STAB2: variants seen among roughly 807,000 people sequenced by gnomAD.
The protein encoded by STAB2 is stabilin-2.
Under a neutral mutation model 338.1 loss-of-function variants are expected in STAB2, and 288 were observed. The ratio of observed to expected loss-of-function variants is 0.85; its 90% CI spans 0.77 to 0.94. The LOEUF (loss-of-function observed/expected upper bound fraction) is 0.94, where lower values mean the gene tolerates loss of function less well. STAB2 is among the 40% of genes least tolerant of loss of function. STAB2 has a pLI of 0.00. For missense variants in STAB2, 3,141 were observed against 3,210.1 expected, an observed-to-expected ratio of 0.98 and a Z score of 0.52; for synonymous variants, 1,202 against 1,193.3, an observed-to-expected ratio of 1.01 and a Z score of -0.15.
At chr12:103,700,951 T>C (rs1421310799) in intron 34 of STAB2, among the ~76,000 whole-genome samples, 3 of 150,792 alleles carry the variant, frequency 2.0e-5, no homozygotes, top group Non-Finnish European at 4.4e-5. Context: ...ACCCACTAAC[T>C]CGTCATCTAG....
chr12:103,610,648 T>A (rs1957108057), intron 3 of STAB2, among the ~76,000 whole-genome samples: 1 of 152,222 alleles, frequency 6.6e-6, no homozygotes, highest in Admixed American at 6.5e-5. Context: ...GCTCCTGGAT[T>A]CATTAATTTT....
At chr12:103,731,796 A>C (rs764442993) in intron 50 of STAB2, among the ~76,000 whole-genome samples, 161 bp downstream of exon 50, 1 of 151,844 alleles carries the variant, frequency 6.6e-6, no homozygotes, top group African/African-American at 2.4e-5. Flanking sequence ...ATTCTCTGCC[A>C]CTCCCTTCTT....
At chr12:103,636,399 G>A (rs2138681386) in intron 6 of STAB2, among the ~76,000 whole-genome samples, 1 of 151,374 alleles carries the variant, frequency 6.6e-6, no homozygotes, top group Non-Finnish European at 1.5e-5. Context: ...AACTTTCCCT[G>A]TTCAAATAAT....
chr12:103,618,951 G>A (rs981096097), intron 3 of STAB2, among the ~76,000 whole-genome samples: 3 of 152,128 alleles, frequency 2.0e-5, no homozygotes, highest in African/African-American at 7.2e-5. Context: ...TAAGTCTCAC[G>A]ACATCTGATG....
At chr12:103,750,009 G>T (rs1040667784) in intron 59 of STAB2, among the ~76,000 whole-genome samples, 1 of 152,194 alleles carries the variant, frequency 6.6e-6, no homozygotes, top group Non-Finnish European at 1.5e-5. Context: ...ACCTGGAGGT[G>T]GCTAATTACT....
intron 10 of STAB2, among the ~76,000 whole-genome samples, chr12:103,649,231 C>T (rs1382766540): frequency 6.6e-6 from 1 of 152,180 alleles, no homozygotes; most frequent in Non-Finnish European, 1.5e-5. Context: ...GACCCCAGGG[C>T]AGCATCCTTG....
intron 3 of STAB2, among the ~76,000 whole-genome samples, chr12:103,610,900 T>C (rs1413206992): frequency 1.3e-5 from 2 of 152,320 alleles, no homozygotes; most frequent in South Asian, 2.1e-4. Flanking sequence ...TTTGTTCTCA[T>C]TGGTTTCAAA....
chr12:103,705,249 C>G (rs1202160548), intron 36 of STAB2, among the ~76,000 whole-genome samples: 3 of 152,092 alleles, frequency 2.0e-5, no homozygotes, highest in Admixed American at 1.3e-4. Context: ...TTGTATGCAG[C>G]CTTAATCCTT....
intron 3 of STAB2, among the ~76,000 whole-genome samples, chr12:103,602,378 C>T (rs369797546): frequency 1.3e-5 from 2 of 152,338 alleles, no homozygotes; most frequent in East Asian, 3.9e-4. Flanking sequence ...AACTGAAAGA[C>T]ATCTGGGTTT....
chr12:103,690,222 T>C (rs562162006), intron 29 of STAB2, among the ~76,000 whole-genome samples: 17 of 152,310 alleles, frequency 1.1e-4, no homozygotes, highest in African/African-American at 4.1e-4. Flanking sequence ...ATGATAGATA[T>C]TGTAATGATT....
At chr12:103,682,105 C>G (rs1876966274) in intron 25 of STAB2, among the ~76,000 whole-genome samples, 1 of 152,176 alleles carries the variant, frequency 6.6e-6, no homozygotes, top group Non-Finnish European at 1.5e-5. Flanking sequence ...TCTGTCTCCT[C>G]TCTGCTCTGT....
At chr12:103,742,330 C>A in intron 55 of STAB2, 75 bp from the exon 56 acceptor site, 1 of 1,558,228 alleles carries the variant, frequency 6.4e-7, no homozygotes, top group South Asian at 1.2e-5. Flanking sequence ...TCAGATGCCA[C>A]AGCACATTTA....
intron 22 of STAB2, 63 bp downstream of exon 22, chr12:103,670,870 G>GCACCCT: frequency 7.2e-7 from 1 of 1,391,828 alleles, no homozygotes; most frequent in Middle Eastern, 1.9e-4. Context: ...TGCTGCAGCA[G>GCACCCT]GGTGCTGGTG....
At chr12:103,715,980 A>T (rs1880281611) in intron 43 of STAB2, 92 bp downstream of exon 43, 2 of 1,310,828 alleles carry the variant, frequency 1.5e-6, no homozygotes, top group Non-Finnish European at 2.1e-6. Flanking sequence ...CTGAGAACGG[A>T]CCTCTAAAGA....
intron 3 of STAB2, among the ~76,000 whole-genome samples, chr12:103,613,529 A>G (rs1371612624): frequency 6.6e-6 from 1 of 152,004 alleles, no homozygotes; most frequent in South Asian, 2.1e-4. Flanking sequence ...TGCTAAGACC[A>G]CTGGAAAAGC....
chr12:103,633,324 G>A (rs1957493632), intron 6 of STAB2, among the ~76,000 whole-genome samples: 1 of 152,176 alleles, frequency 6.6e-6, no homozygotes, highest in Non-Finnish European at 1.5e-5. Context: ...AATTCACATG[G>A]CAGATACATT....
In STAB2 at chr12:103,675,800, C is replaced by T. The variant is rs1185615451; in HGVS notation, c.2553-128C>T. On this transcript the variant is annotated intron_variant, in intron 23 of 68. Coordinates refer to ENST00000388887, the MANE Select transcript of STAB2 (RefSeq NM_017564.10). ...GAAGTACCCCGACCACATTTGAGCG[C>T]TGGCTTCCTCCACAGGAGCAAAGGA... is the stretch of plus-strand genomic sequence containing the variant. The T allele has an allele frequency of 9.1e-6, 6 of 656,046 alleles. No homozygotes were observed. The African/African-American group carries it at 1.1e-4, about 12-fold the overall frequency. The allele number at this position is 656,046 out of a possible 1,614,324, so 40.6% of individuals were successfully genotyped here. A position where few individuals can be genotyped will look rare whatever the true frequency, so the allele number is the denominator to read the frequency against.
intron 52 of STAB2, 34 bp from the exon 53 acceptor site, chr12:103,737,599 TC>T (rs781462539): frequency 0.04 from 52,869 of 1,335,496 alleles, 3,065 homozygotes; most frequent in East Asian, 0.069. Context: ...TCTCTCTCTC[TC>T]TTTCTCTTTT....
At chr12:103,599,465 G>T (rs1007166579) in intron 3 of STAB2, among the ~76,000 whole-genome samples, 4 of 152,162 alleles carry the variant, frequency 2.6e-5, no homozygotes, top group Admixed American at 2.6e-4. Flanking sequence ...AGACTCCAGA[G>T]TCAGATTTCC....
Sources: gnomAD v4.1 joint callset for allele counts (sites outside exome capture counted in the v4.1 genomes callset) on GRCh38, gnomAD v4.1.1 for gene constraint, MANE v1.5 for transcripts, NCBI Gene and HGNC (gene_info 2026-07-23, HGNC 2026-07-21) for gene names.